DPP10: variants seen among roughly 807,000 people sequenced by gnomAD.
DPP10 encodes inactive dipeptidyl peptidase 10.
Under a neutral mutation model 120.9 loss-of-function variants are expected in DPP10, and 33 were observed. The ratio of observed to expected loss-of-function variants is 0.27; its 90% CI spans 0.21 to 0.37. The LOEUF (loss-of-function observed/expected upper bound fraction) is 0.37. DPP10 is among the 10% of genes least tolerant of loss of function. DPP10 has a pLI of 1.00. For missense variants in DPP10, 816 were observed against 942.8 expected (o/e 0.87, Z 1.76); for synonymous variants, 337 against 326.1 (o/e 1.03, Z -0.36).
intron 1 of DPP10, among the ~76,000 whole-genome samples, chr2:114,974,506 T>G (rs1264257334): frequency 6.7e-6 from 1 of 148,370 alleles, no homozygotes; most frequent in Non-Finnish European, 1.5e-5. Context: ...CAACCTCCCC[T>G]TACTGGGTTC....
rs556195162 is a variant in DPP10 at position 114,545,787 on chromosome 2, G to A, written c.60+102949G>A. Among the ~76,000 whole-genome samples, 19 of 152,214 alleles carry A rather than the reference G, an allele frequency of 1.2e-4. No individual in the cohort carries two copies. The South Asian group carries it at 2.5e-3, about 20-fold the overall frequency. On this transcript the variant is annotated intron_variant, in intron 1 of 25. Coordinates refer to ENST00000410059, the MANE Select transcript of DPP10 (RefSeq NM_020868.6). ...ATTATTATAATAATTATTATTTTGCGATAGTTTTGGTTTTACCTGCAAGAA... is the reference window on the plus strand; with the variant it reads ...ATTATTATAATAATTATTATTTTGCAATAGTTTTGGTTTTACCTGCAAGAA...
At chr2:115,217,600 C>G (rs183409012) in intron 1 of DPP10, among the ~76,000 whole-genome samples, 1 of 152,242 alleles carries the variant, frequency 6.6e-6, no homozygotes, top group African/African-American at 2.4e-5. Flanking sequence ...CAAAATGCCA[C>G]CAGTGGGACT....
Position 115,418,051 on chromosome 2 carries a change from A to G in DPP10, c.271+74139A>G, listed in dbSNP as rs564983199. On this transcript the variant is annotated intron_variant, in intron 3 of 25. Coordinates refer to ENST00000410059, the MANE Select transcript of DPP10 (RefSeq NM_020868.6). ...GAGCTAAGGTTTATGTAAGAAATCA[A>G]CTTCAGAAATCCAGCTGAAAGTCAG... 1.4e-4 allele frequency among the ~76,000 whole-genome samples: 21 copies of G among 152,322 alleles called. No individual in the cohort carries two copies. In the East Asian group the frequency reaches 3.1e-3, roughly 22 times the overall value.
intron 1 of DPP10, among the ~76,000 whole-genome samples, chr2:114,699,416 C>T (rs115684791): frequency 0.028 from 4,219 of 152,106 alleles, 97 homozygotes; most frequent in Middle Eastern, 0.054. Context: ...TTCACTTGAA[C>T]GATATCGCTC....
At chr2:115,301,891 T>C (rs188395491) in intron 1 of DPP10, among the ~76,000 whole-genome samples, 14 of 152,150 alleles carry the variant, frequency 9.2e-5, no homozygotes, top group African/African-American at 3.4e-4. Flanking sequence ...GTCATACTTA[T>C]TTTGTTTCTA....
At chr2:115,830,265 G>A (rs1313299107) in intron 21 of DPP10, among the ~76,000 whole-genome samples, 3 of 151,520 alleles carry the variant, frequency 2.0e-5, no homozygotes, top group African/African-American at 7.3e-5. Context: ...GGCTGAAGCA[G>A]GAGAATCGCT....
chr2:114,464,853 A>C (rs1679221154), intron 1 of DPP10, among the ~76,000 whole-genome samples: 2 of 152,236 alleles, frequency 1.3e-5, no homozygotes. Flanking sequence ...TGACAGAGTG[A>C]GACTCCATCT....
chr2:115,687,703 C>T (rs969730127), intron 5 of DPP10, among the ~76,000 whole-genome samples: 22 of 152,156 alleles, frequency 1.4e-4, no homozygotes, highest in Middle Eastern at 3.4e-3. Context: ...CTTCTCCAAT[C>T]ACACCATTTG....
chr2:115,246,419 G>A (rs2058535822), intron 1 of DPP10, among the ~76,000 whole-genome samples: 1 of 152,130 alleles, frequency 6.6e-6, no homozygotes, highest in Non-Finnish European at 1.5e-5. Flanking sequence ...TCCAGAAGAG[G>A]TCATCTTTGG....
chr2:115,211,526 C>G (rs2056512519), intron 1 of DPP10, among the ~76,000 whole-genome samples: 1 of 152,090 alleles, frequency 6.6e-6, no homozygotes, highest in Non-Finnish European at 1.5e-5. Context: ...AACATTTGCT[C>G]TTTTGCCTAT....
intron 1 of DPP10, among the ~76,000 whole-genome samples, chr2:115,197,785 G>A (rs2055391805): frequency 6.6e-6 from 1 of 152,168 alleles, no homozygotes; most frequent in Non-Finnish European, 1.5e-5. Flanking sequence ...GGGTTTTGAA[G>A]TATGCTTATG....
chr2:114,858,670 G>A (rs1266344364), intron 1 of DPP10, among the ~76,000 whole-genome samples: 1 of 152,090 alleles, frequency 6.6e-6, no homozygotes, highest in African/African-American at 2.4e-5. Context: ...TATTCTGTGG[G>A]TGTTATAGTT....
At chr2:114,754,564 G>A (rs1574110807) in intron 1 of DPP10, among the ~76,000 whole-genome samples, 8 of 152,102 alleles carry the variant, frequency 5.3e-5, no homozygotes, top group Admixed American at 5.2e-4. Flanking sequence ...CAAATCACCT[G>A]GGAGCATTAA....
chr2:115,803,402 C>T (rs1435143036), intron 19 of DPP10, among the ~76,000 whole-genome samples: 2 of 152,116 alleles, frequency 1.3e-5, no homozygotes, highest in African/African-American at 4.8e-5. Context: ...CAGTCTGTGC[C>T]TTTTAATTGG....
chr2:114,653,025 A>AGTGTGTGTGTGT (rs753807245), intron 1 of DPP10, among the ~76,000 whole-genome samples: 1,799 of 118,620 alleles, frequency 0.015, 42 homozygotes, highest in African/African-American at 0.078. Flanking sequence ...AGAGAGAGAG[A>AGTGTGTGTGTGT]GAGTGTGTGT....
intron 1 of DPP10, among the ~76,000 whole-genome samples, chr2:115,093,174 T>C (rs1311634085): frequency 6.6e-6 from 1 of 152,178 alleles, no homozygotes; most frequent in Non-Finnish European, 1.5e-5. Context: ...GTGTGAATTA[T>C]TACAGTGACT....
chr2:114,886,629 G>A (rs1025878248), intron 1 of DPP10, among the ~76,000 whole-genome samples: 2 of 152,178 alleles, frequency 1.3e-5, no homozygotes, highest in African/African-American at 4.8e-5. Flanking sequence ...ATTAATCTGT[G>A]TTAGCATCTG....
intron 1 of DPP10, among the ~76,000 whole-genome samples, chr2:115,021,845 A>T (rs925818061): frequency 1.3e-5 from 2 of 152,126 alleles, no homozygotes; most frequent in Non-Finnish European, 2.9e-5. Context: ...GGGATGCAGG[A>T]ATGGATTAAC....
At chr2:114,506,298 G>A (rs1002822201) in intron 1 of DPP10, among the ~76,000 whole-genome samples, 1 of 152,220 alleles carries the variant, frequency 6.6e-6, no homozygotes, top group Non-Finnish European at 1.5e-5. Flanking sequence ...GGGACAGCTT[G>A]ATGGCATAGC....
Sources: gnomAD v4.1 joint callset for allele counts (sites outside exome capture counted in the v4.1 genomes callset) on GRCh38, gnomAD v4.1.1 for gene constraint, MANE v1.5 for transcripts, NCBI Gene and HGNC (gene_info 2026-07-23, HGNC 2026-07-21) for gene names.